AIRIM: variants seen among roughly 807,000 people sequenced by gnomAD.
The protein encoded by AIRIM is AFG2-interacting ribosome maturation factor.
the AIRIM span, among the ~76,000 whole-genome samples, chr1:37,688,913 C>T: frequency 6.9e-6 from 1 of 145,850 alleles, no homozygotes; most frequent in African/African-American, 2.6e-5. Flanking sequence ...CTACAATGAG[C>T]TGTGATTGTG....
chr1:37,690,480 G>A, the AIRIM span: 19 of 1,247,948 alleles, frequency 1.5e-5, no homozygotes, highest in Non-Finnish European at 1.9e-5. Context: ...CAGCCAAAGC[G>A]TGAGAACCCT....
At chr1:37,690,051 C>A in the AIRIM span, 355,327 of 1,411,670 alleles carry the variant, frequency 0.25, 46,632 homozygotes, top group Non-Finnish European at 0.27. Flanking sequence ...CGGAGTCTCA[C>A]TGTCGCCCAG....
the AIRIM span, chr1:37,683,078 G>A: frequency 6.3e-7 from 1 of 1,585,126 alleles, no homozygotes; most frequent in Non-Finnish European, 8.7e-7. Flanking sequence ...CAGAATGTCA[G>A]TCTTCAACTG....
At chr1:37,685,192 TG>T in the AIRIM span, among the ~76,000 whole-genome samples, 1,072 of 44,720 alleles carry the variant, frequency 0.024, 15 homozygotes, top group Middle Eastern at 0.054. Context: ...TGCTTTTTTT[TG>T]GGGGGGGGGG....
the AIRIM span, among the ~76,000 whole-genome samples, chr1:37,688,309 A>G: frequency 6.6e-6 from 1 of 152,076 alleles, no homozygotes; most frequent in Admixed American, 6.5e-5. Flanking sequence ...CTGCCTCCCA[A>G]AGTGCTGGGA....
the AIRIM span, chr1:37,689,608 C>A: frequency 6.3e-7 from 1 of 1,597,484 alleles, no homozygotes; most frequent in Admixed American, 1.7e-5. Flanking sequence ...CTGCTTACAG[C>A]CTTTCCCCTA....
the AIRIM span, chr1:37,690,049 C>T: frequency 7.1e-7 from 1 of 1,415,370 alleles, no homozygotes; most frequent in African/African-American, 1.4e-5. Context: ...GACGGAGTCT[C>T]ACTGTCGCCC....
At chr1:37,685,696 C>A in the AIRIM span, among the ~76,000 whole-genome samples, 1 of 152,144 alleles carries the variant, frequency 6.6e-6, no homozygotes, top group Non-Finnish European at 1.5e-5. Context: ...ACCCCAAATT[C>A]TTTCAAAGAC....
the AIRIM span, chr1:37,690,597 T>C: frequency 1.6e-6 from 1 of 629,998 alleles, no homozygotes; most frequent in Admixed American, 4.0e-5. Flanking sequence ...CGAAAATATA[T>C]CGTAGTGCCG....
the AIRIM span, chr1:37,689,786 A>T: frequency 1.9e-6 from 3 of 1,613,002 alleles, no homozygotes; most frequent in African/African-American, 2.7e-5. Context: ...GCAGTCCCGC[A>T]GGGCACTCTG....
At chr1:37,684,795 G>C in the AIRIM span, among the ~76,000 whole-genome samples, 1 of 152,158 alleles carries the variant, frequency 6.6e-6, no homozygotes, top group Non-Finnish European at 1.5e-5. Flanking sequence ...GACAAGAAAA[G>C]TTGGGGTTTG....
the AIRIM span, among the ~76,000 whole-genome samples, chr1:37,687,440 T>A: frequency 6.8e-6 from 1 of 148,090 alleles, no homozygotes; most frequent in Admixed American, 6.7e-5. Flanking sequence ...CTAATATATA[T>A]TTTTTTTTAA....
At chr1:37,690,394 G>C in the AIRIM span, 19 of 1,289,602 alleles carry the variant, frequency 1.5e-5, no homozygotes, top group Non-Finnish European at 1.9e-5. Flanking sequence ...TCTCTTCTCT[G>C]ACATACAGTC....
chr1:37,690,429 G>T, the AIRIM span: 1 of 1,265,502 alleles, frequency 7.9e-7, no homozygotes. Context: ...CGAGGCTGCC[G>T]GTCGCCTTCC....
At chr1:37,686,253 G>C in the AIRIM span, 2 of 1,598,706 alleles carry the variant, frequency 1.3e-6, no homozygotes, top group African/African-American at 2.7e-5. Flanking sequence ...GCTGTGACCT[G>C]AAATGTGTGC....
At chr1:37,686,560 A>C in the AIRIM span, 1 of 1,125,164 alleles carries the variant, frequency 8.9e-7, no homozygotes, top group South Asian at 1.5e-5. Context: ...TCTGTTGTGA[A>C]GGGCTGCCCT....
chr1:37,689,209 G>C, the AIRIM span, among the ~76,000 whole-genome samples: 1 of 152,176 alleles, frequency 6.6e-6, no homozygotes, highest in Non-Finnish European at 1.5e-5. Context: ...ATAGAATTAA[G>C]TGCAGTTAAG....
chr1:37,683,579 G>T, the AIRIM span: 1 of 886,410 alleles, frequency 1.1e-6, no homozygotes, highest in Non-Finnish European at 1.7e-6. Context: ...ATTCACCTAT[G>T]CTACAAATAT....
chr1:37,689,693 A>T, the AIRIM span: 1 of 1,614,080 alleles, frequency 6.2e-7, no homozygotes, highest in South Asian at 1.1e-5. Context: ...GAAGGCCCGA[A>T]GCGCCGGCAC....
Sources: allele counts gnomAD v4.1 joint callset (sites outside exome capture counted in the v4.1 genomes callset), GRCh38; gene constraint gnomAD v4.1.1; transcripts MANE v1.5; gene names NCBI Gene and HGNC (gene_info 2026-07-23, HGNC 2026-07-21).